Variants in ITFG1 observed in about 807,000 individuals in gnomAD.
The protein encoded by ITFG1 is T-cell immunomodulatory protein.
ITFG1 carries 34 observed loss-of-function variants against 81.8 expected under a neutral mutation model. The observed-to-expected ratio is 0.42, with a 90% confidence interval of 0.32 to 0.55. ITFG1 has a LOEUF of 0.55. Ranked by LOEUF, ITFG1 falls within the 20% of genes least tolerant of loss-of-function variation. The probability of loss-of-function intolerance (pLI) is 0.17; values close to 1 mark genes in which losing one functional copy is unlikely to be tolerated. For synonymous variants in ITFG1, 285 were observed against 270.6 expected (o/e 1.05, Z -0.52); for missense variants, 672 against 755.4 (o/e 0.89, Z 1.29).
chr16:47,461,114 C>A (rs371750457), upstream of ITFG1: 19 of 1,404,102 alleles, frequency 1.4e-5, no homozygotes, highest in Non-Finnish European at 1.8e-5. Context: ...CACCGCGTTA[C>A]CGGCCGAGAG....
chr16:47,314,549 C>A (rs1967322148), intron 8 of ITFG1, among the ~76,000 whole-genome samples: 1 of 152,138 alleles, frequency 6.6e-6, no homozygotes, highest in African/African-American at 2.4e-5. Flanking sequence ...GCACAGTATT[C>A]TGCTAAGGCC....
intron 13 of ITFG1, among the ~76,000 whole-genome samples, chr16:47,228,048 A>G (rs920418790): frequency 7.2e-5 from 11 of 152,308 alleles, no homozygotes; most frequent in Middle Eastern, 3.4e-3. Context: ...TTATTTTCCA[A>G]TGAAAACTGC....
intron 6 of ITFG1, among the ~76,000 whole-genome samples, chr16:47,391,472 T>C (rs1364699216): frequency 1.3e-5 from 2 of 152,228 alleles, no homozygotes; most frequent in African/African-American, 4.8e-5. Context: ...TAATTTTTAA[T>C]GTTGCTTAAA....
chr16:47,308,782 C>T (rs1279314077), intron 10 of ITFG1, among the ~76,000 whole-genome samples: 5 of 152,164 alleles, frequency 3.3e-5, no homozygotes, highest in African/African-American at 1.2e-4. Context: ...CTGCCAAAAA[C>T]TTTTTTTATT....
intron 10 of ITFG1, among the ~76,000 whole-genome samples, chr16:47,308,434 G>T (rs1007603778): frequency 2.6e-5 from 4 of 152,192 alleles, no homozygotes; most frequent in Non-Finnish European, 5.9e-5. Flanking sequence ...TTTCATTGAT[G>T]AGTCAGGGTC....
At chr16:47,274,552 A>C (rs1352079620) in intron 10 of ITFG1, among the ~76,000 whole-genome samples, 1 of 152,182 alleles carries the variant, frequency 6.6e-6, no homozygotes, top group Non-Finnish European at 1.5e-5. Context: ...TTTCCTTTTC[A>C]GGTTACTGTT....
chr16:47,375,806 T>C lies in ITFG1; in HGVS notation c.720+70A>G. 3.1e-6 allele frequency: 3 copies of C among 979,782 alleles called. No individual in the cohort carries two copies. In the African/African-American group the frequency reaches 4.8e-5, roughly 16 times the overall value. 60.7% of individuals were successfully genotyped at this position (979,782 alleles called of 1,614,324 possible). On this transcript the variant is annotated intron_variant, in intron 7 of 17. Transcript: ENST00000320640. ...ATCAACCAAGTGATTATTTTCATTT[T>C]ATTTTCTAAAATTGTGTGCTTTTAC...
At chr16:47,371,321 T>C (rs76237309) in intron 7 of ITFG1, among the ~76,000 whole-genome samples, 2,403 of 152,328 alleles carry the variant, frequency 0.016, 17 homozygotes, top group Non-Finnish European at 0.026. Flanking sequence ...AGATAATCCA[T>C]ATAAAATGCT....
At chr16:47,442,830 T>C (rs956466135) in intron 5 of ITFG1, among the ~76,000 whole-genome samples, 7 of 152,114 alleles carry the variant, frequency 4.6e-5, no homozygotes, top group East Asian at 1.9e-4. Context: ...CCATTCAGGA[T>C]ATAGGCATGG....
intron 14 of ITFG1, among the ~76,000 whole-genome samples, chr16:47,200,135 A>C (rs924914183): frequency 6.6e-6 from 1 of 152,186 alleles, no homozygotes; most frequent in African/African-American, 2.4e-5. Context: ...CCCCTGGGCT[A>C]TACCATCTAG....
At chr16:47,181,768 A>G (rs1965127326) in intron 14 of ITFG1, among the ~76,000 whole-genome samples, 1 of 152,194 alleles carries the variant, frequency 6.6e-6, no homozygotes, top group African/African-American at 2.4e-5. Context: ...AAAGATTGAG[A>G]AATCGGATGT....
At chr16:47,422,822 T>A (rs1317169754) in intron 6 of ITFG1, among the ~76,000 whole-genome samples, 1 of 151,758 alleles carries the variant, frequency 6.6e-6, no homozygotes, top group Non-Finnish European at 1.5e-5. Flanking sequence ...TTTGTATTTC[T>A]GTGGGAGTGC....
At chr16:47,352,216 A>C (rs1319840841) in intron 8 of ITFG1, among the ~76,000 whole-genome samples, 1 of 152,228 alleles carries the variant, frequency 6.6e-6, no homozygotes, top group Non-Finnish European at 1.5e-5. Context: ...ATGGGATGTA[A>C]TTAAACTAAA....
At chr16:47,396,029 A>T (rs1968588377) in intron 6 of ITFG1, 1 of 321,366 alleles carries the variant, frequency 3.1e-6, no homozygotes, top group Non-Finnish European at 4.5e-6. Flanking sequence ...CTGAAGACCC[A>T]ATTTACATCT....
chr16:47,210,412 T>C, intron 14 of ITFG1, among the ~76,000 whole-genome samples: 1 of 152,168 alleles, frequency 6.6e-6, no homozygotes, highest in East Asian at 1.9e-4. Flanking sequence ...TTATATATTA[T>C]AGATATTGAA....
At chr16:47,223,485 C>T (rs986721245) in intron 13 of ITFG1, among the ~76,000 whole-genome samples, 10 of 152,322 alleles carry the variant, frequency 6.6e-5, no homozygotes, top group Middle Eastern at 3.4e-3. Context: ...CACTGGCTAT[C>T]AGAGAAATGC....
chr16:47,437,468 C>A (rs1168426817), intron 5 of ITFG1, among the ~76,000 whole-genome samples: 4 of 137,480 alleles, frequency 2.9e-5, no homozygotes, highest in African/African-American at 1.1e-4. Context: ...AGTCCATCTC[C>A]TGAAAAAAAA....
At chr16:47,303,737 C>T (rs766864202) in intron 10 of ITFG1, among the ~76,000 whole-genome samples, 4 of 152,204 alleles carry the variant, frequency 2.6e-5, no homozygotes, top group Non-Finnish European at 5.9e-5. Flanking sequence ...GATCCTCCTA[C>T]TCAGGCCTCC....
At chr16:47,250,805 C>A (rs1596835894) in intron 12 of ITFG1, among the ~76,000 whole-genome samples, 1 of 152,208 alleles carries the variant, frequency 6.6e-6, no homozygotes, top group South Asian at 2.1e-4. Context: ...CAGAGAGCTA[C>A]TGGGGCAATG....
Sources: allele counts gnomAD v4.1 joint callset (sites outside exome capture counted in the v4.1 genomes callset), GRCh38; gene constraint gnomAD v4.1.1; transcripts MANE v1.5; gene names NCBI Gene and HGNC (gene_info 2026-07-23, HGNC 2026-07-21).